ZMIZ1: variants seen among roughly 807,000 people sequenced by gnomAD.
ZMIZ1 encodes zinc finger MIZ-type containing 1, also known as zinc finger MIZ domain-containing protein 1.
ZMIZ1 carries 17 observed loss-of-function variants against 113.9 expected under a neutral mutation model. The ratio of observed to expected loss-of-function variants is 0.15; its 90% CI spans 0.10 to 0.22. The LOEUF is 0.22. Ranked by LOEUF, ZMIZ1 falls within the 10% of genes least tolerant of loss-of-function variation. The pLI, the probability that ZMIZ1 is intolerant of heterozygous loss-of-function variation, is 1.00. For synonymous variants in ZMIZ1, 607 were observed against 603.1 expected, an observed-to-expected ratio of 1.01 and a Z score of -0.09; for missense variants, 1,059 against 1,477.8, an observed-to-expected ratio of 0.72 and a Z score of 4.65.
At chr10:79,298,627 A>C (rs763451787) in intron 15 of ZMIZ1, 47 bp downstream of exon 15, 16 of 1,530,288 alleles carry the variant, frequency 1.0e-5, no homozygotes, top group Middle Eastern at 1.7e-4. Context: ...TGGGCCCCCC[A>C]GTGGGCCGGG....
intron 7 of ZMIZ1, among the ~76,000 whole-genome samples, chr10:79,254,990 G>A (rs975540011): frequency 3.3e-5 from 5 of 152,198 alleles, no homozygotes; most frequent in African/African-American, 1.2e-4. Flanking sequence ...GTGCCTACTC[G>A]CACCCCGCAG....
At chr10:79,176,931 G>A (rs981388357) in intron 4 of ZMIZ1, among the ~76,000 whole-genome samples, 2 of 152,238 alleles carry the variant, frequency 1.3e-5, no homozygotes, top group Non-Finnish European at 2.9e-5. Context: ...TTGTGGCAAT[G>A]TGTCTCCAGT....
chr10:79,242,659 G>T (rs1400785090), intron 7 of ZMIZ1, among the ~76,000 whole-genome samples: 1 of 151,914 alleles, frequency 6.6e-6, no homozygotes, highest in Non-Finnish European at 1.5e-5. Context: ...GATTCGCTGG[G>T]GGGCGGGAGA....
chr10:79,133,580 C>T lies in ZMIZ1; in HGVS notation c.-226-6102C>T, dbSNP rs80183004. 1.1e-3 allele frequency among the ~76,000 whole-genome samples: 166 copies of T among 152,272 alleles called. 3 individuals are homozygous for T. The East Asian group carries it at 0.029, about 27-fold the overall frequency. ...CATACTGCCCTAGCCTGCTTCCTGC[C>T]AGGGAGGCCATTCCTAGCGACGCAT... is the stretch of plus-strand genomic sequence containing the variant. On this transcript the variant is annotated intron_variant, in intron 2 of 24. Transcript: ENST00000334512.
chr10:79,115,189 C>G (rs559473748), intron 1 of ZMIZ1, among the ~76,000 whole-genome samples: 80 of 152,282 alleles, frequency 5.3e-4, no homozygotes, highest in African/African-American at 1.8e-3. Context: ...CACCACCTCC[C>G]AAGGTAGCAG....
At chr10:79,146,023 A>G (rs1845467111) in intron 3 of ZMIZ1, among the ~76,000 whole-genome samples, 1 of 152,084 alleles carries the variant, frequency 6.6e-6, no homozygotes, top group Non-Finnish European at 1.5e-5. Flanking sequence ...ATTAGCTTTT[A>G]TTTGGGAACT....
chr10:79,296,742 C>T lies in ZMIZ1; in HGVS notation c.1413+89C>T, dbSNP rs1853922488. On this transcript the variant is annotated intron_variant, in intron 13 of 24. Transcript: ENST00000334512. This position sits in a 1 kb window ranked among gnomAD's most constrained non-coding sequence, Gnocchi z 4.1. The stretch of plus-strand genomic sequence containing the variant: ...CTCCACCGGGATCACTCTGACCCTG[C>T]GTGTGTTTGCCCCAAGGACAGCGAG... 6 of 1,325,446 alleles carry T rather than the reference C, an allele frequency of 4.5e-6. No individual in the cohort carries two copies. The highest frequency in any genetic ancestry group is 3.2e-5 in the South Asian group (2 of 63,202). 82.1% of individuals were successfully genotyped at this position (1,325,446 alleles called of 1,614,324 possible).
At position 79,196,264 on chromosome 10, in the gene ZMIZ1, C is replaced by G. The variant is rs569254039; in HGVS notation, c.-49-5320C>G. Among the ~76,000 whole-genome samples, 17 of 152,296 alleles carry G rather than the reference C, an allele frequency of 1.1e-4. No homozygotes were observed. The South Asian group carries it at 3.5e-3, about 32-fold the overall frequency. Reference sequence around the variant, plus strand: ...GCGCTGTCCCTGTGGTCTGCGATGTCCCTCCTGCCATCCATCTACCCACCC... The same window carrying G: ...GCGCTGTCCCTGTGGTCTGCGATGTGCCTCCTGCCATCCATCTACCCACCC... On this transcript the variant is annotated intron_variant, in intron 4 of 24. Transcript: ENST00000334512.
chr10:79,231,544 T>C (rs1849394168), intron 7 of ZMIZ1, among the ~76,000 whole-genome samples: 2 of 151,688 alleles, frequency 1.3e-5, no homozygotes, highest in South Asian at 4.2e-4. Context: ...ATGCCCAGCC[T>C]AGGAAGCCTG....
intron 6 of ZMIZ1, among the ~76,000 whole-genome samples, chr10:79,212,710 C>T (rs1010787988): frequency 2.0e-5 from 3 of 150,310 alleles, no homozygotes; most frequent in Non-Finnish European, 2.9e-5. Context: ...GAGCTGAAAT[C>T]GTGCCATTGC....
intron 1 of ZMIZ1, among the ~76,000 whole-genome samples, chr10:79,103,805 A>G (rs1023102918): frequency 6.6e-6 from 1 of 152,096 alleles, no homozygotes; most frequent in African/African-American, 2.4e-5. Context: ...CCATTGCATC[A>G]TGGATGAGGA....
At chr10:79,198,199 C>T (rs1481653659) in intron 4 of ZMIZ1, among the ~76,000 whole-genome samples, 1 of 152,134 alleles carries the variant, frequency 6.6e-6, no homozygotes, top group African/African-American at 2.4e-5. Context: ...GCAGAGCTTG[C>T]AGTGAGTGGA....
chr10:79,201,561 C>A, intron 4 of ZMIZ1, 23 bp from the exon 5 acceptor site: 1 of 1,574,928 alleles, frequency 6.3e-7, no homozygotes, highest in Non-Finnish European at 8.7e-7. Context: ...GATCCAGTGA[C>A]AACCTCTCCT....
At chr10:79,238,623 T>C (rs569945974) in intron 7 of ZMIZ1, among the ~76,000 whole-genome samples, 1 of 152,316 alleles carries the variant, frequency 6.6e-6, no homozygotes, top group South Asian at 2.1e-4. Flanking sequence ...TCATCACAGC[T>C]CTAATTGACT....
intron 4 of ZMIZ1, among the ~76,000 whole-genome samples, chr10:79,167,580 G>C (rs753286624): frequency 5.3e-5 from 8 of 152,160 alleles, no homozygotes; most frequent in Non-Finnish European, 4.4e-5. Flanking sequence ...AACTGAACCT[G>C]AAATGAATAG....
chr10:79,249,745 G>A (rs906734223), intron 7 of ZMIZ1, among the ~76,000 whole-genome samples: 1 of 152,174 alleles, frequency 6.6e-6, no homozygotes, highest in Non-Finnish European at 1.5e-5. Context: ...GCAGTGCTGT[G>A]CCTGAAGTGG....
intron 6 of ZMIZ1, among the ~76,000 whole-genome samples, chr10:79,213,447 A>T (rs1041654312): frequency 6.6e-6 from 1 of 152,182 alleles, no homozygotes; most frequent in Admixed American, 6.5e-5. Flanking sequence ...AAAGGAGGCT[A>T]TTGGAGCCAG....
rs530629761 is a variant in ZMIZ1, at chr10:79,314,696, A to G, written c.*1947A>G. ...CCGAGTCTTCTTTTTTTTTAAACAAAAACAAAAAAAGCAACCAGGGCTATT... is the reference window on the plus strand; with the variant it reads ...CCGAGTCTTCTTTTTTTTTAAACAAGAACAAAAAAAGCAACCAGGGCTATT... On this transcript the variant is annotated 3_prime_UTR_variant, in exon 25 of 25. Transcript: ENST00000334512. The G allele has an allele frequency of 5.8e-6, 1 of 171,558 alleles. No individual in the cohort carries two copies. The highest frequency in any genetic ancestry group is 2.4e-5 in the African/African-American group (1 of 41,656). 10.6% of individuals were successfully genotyped at this position (171,558 alleles called of 1,614,324 possible). A position where few individuals can be genotyped will look rare whatever the true frequency, so the allele number is the denominator to read the frequency against.
chr10:79,298,984 A>T (rs1437477698), intron 15 of ZMIZ1, 66 bp from the exon 16 acceptor site: 1 of 1,543,012 alleles, frequency 6.5e-7, no homozygotes, highest in African/African-American at 1.4e-5. Context: ...AGCAAGTCCC[A>T]CCTACAGCCC....
Sources: allele counts gnomAD v4.1 joint callset (sites outside exome capture counted in the v4.1 genomes callset), GRCh38; gene constraint gnomAD v4.1.1; non-coding constraint Gnocchi (gnomAD v3.1); transcripts MANE v1.5; gene names NCBI Gene and HGNC (gene_info 2026-07-23, HGNC 2026-07-21).